SLC2A3: variants seen among roughly 807,000 people sequenced by gnomAD.
SLC2A3 encodes solute carrier family 2, facilitated glucose transporter member 3.
SLC2A3 carries 21 observed loss-of-function variants against 46.4 expected under a neutral mutation model. That is an observed-to-expected ratio of 0.45 (90% CI 0.32 to 0.65). The LOEUF (loss-of-function observed/expected upper bound fraction) is 0.65, where lower values mean the gene tolerates loss of function less well. Among genes scored for constraint, SLC2A3 ranks in the 30% least tolerant of loss-of-function variants. The pLI is 0.04. For missense variants in SLC2A3, 499 were observed against 623.3 expected, an observed-to-expected ratio of 0.80 and a Z score of 2.12; for synonymous variants, 213 against 239.4, an observed-to-expected ratio of 0.89 and a Z score of 1.02.
chr12:7,930,286 G>C (rs1395935558), intron 5 of SLC2A3, 194 bp downstream of exon 5: 1 of 604,962 alleles, frequency 1.7e-6, no homozygotes, highest in East Asian at 3.1e-5. Context: ...CTGCCTGATA[G>C]CATCCATTCC....
intron 5 of SLC2A3, 38 bp downstream of exon 5, chr12:7,930,442 C>T: frequency 1.9e-6 from 3 of 1,589,726 alleles, no homozygotes; most frequent in African/African-American, 1.3e-5. Flanking sequence ...CAAACCACAA[C>T]CATATAATTC....
At chr12:7,935,732 C>G (rs1240059569) in intron 1 of SLC2A3, among the ~76,000 whole-genome samples, 3 of 152,122 alleles carry the variant, frequency 2.0e-5, no homozygotes, top group Non-Finnish European at 2.9e-5. Context: ...GCCCGATCCT[C>G]TAAACACTCA....
intron 3 of SLC2A3, among the ~76,000 whole-genome samples, chr12:7,932,194 C>A (rs762541415): frequency 1.1e-4 from 16 of 148,514 alleles, no homozygotes; most frequent in Non-Finnish European, 1.5e-4. Flanking sequence ...TTTTTTGAGA[C>A]GGGGTTTTGC....
In SLC2A3 at chr12:7,921,476, T is replaced by C. The variant is rs112571065; in HGVS notation, c.1428A>G (p.Gly476=). 1,568 of 1,609,834 alleles carry C rather than the reference T, an allele frequency of 9.7e-4. 9 individuals carry two copies. In the African/African-American group the frequency reaches 0.018, roughly 18 times the overall value. ...EGQAHGADRS[G]KDGVMEMNSI... ...TGTTCATCTCCATGACGCCGTCCTT[T>C]CCAGATCTATCTGCACCGTGTGCCT... The change falls in exon 10 of 10, where the codon GGA becomes GGG. Residue 476 remains glycine, a synonymous_variant. Coordinates refer to ENST00000075120, the MANE Select transcript of SLC2A3 (RefSeq NM_006931.3).
rs185154018 is a variant in SLC2A3, at chr12:7,923,102, G to C, written c.1069-78C>G. ...ATCTAGGTTCCCAGAAGCAATTAAC[G>C]GCAAGCTCCTCCTGTCCCTGACGTA... On this transcript the variant is annotated intron_variant, in intron 8 of 9. Transcript: ENST00000075120. 18 of 1,337,742 alleles carry C rather than the reference G, an allele frequency of 1.3e-5. No individual in the cohort carries two copies. The South Asian group carries it at 2.3e-4, about 17-fold the overall frequency. 82.9% of individuals were successfully genotyped at this position (1,337,742 alleles called of 1,614,324 possible). A position where few individuals can be genotyped will look rare whatever the true frequency, so the allele number is the denominator to read the frequency against.
intron 1 of SLC2A3, among the ~76,000 whole-genome samples, chr12:7,935,181 C>T (rs1946199495): frequency 6.6e-6 from 1 of 152,154 alleles, no homozygotes; most frequent in Admixed American, 6.6e-5. Context: ...TTGCTGCGCG[C>T]AGTGGCTCAT....
At chr12:7,933,670 C>T (rs371008604) in intron 2 of SLC2A3, 140 bp downstream of exon 2, 4 of 846,988 alleles carry the variant, frequency 4.7e-6, no homozygotes, top group East Asian at 2.6e-5. Context: ...CTCAAGTGAT[C>T]TTTAAGCCTC....
chr12:7,929,677 C>G lies in SLC2A3; in HGVS notation c.861+7G>C. The G allele has an allele frequency of 6.2e-7, 1 of 1,613,196 alleles. No homozygotes were observed. Among genetic ancestry groups the G allele is most frequent in the Non-Finnish European group, 8.5e-7 (1 of 1,179,506 alleles). On this transcript the variant is annotated splice_region_variant and intron_variant, in intron 6 of 9. Transcript: ENST00000075120. Reference sequence around the variant, plus strand: ...AGACACGTTTGACCCTAAAGTATCACACTCACAGCATTGATCCCAGAGAGC... The same window carrying G: ...AGACACGTTTGACCCTAAAGTATCAGACTCACAGCATTGATCCCAGAGAGC...
intron 2 of SLC2A3, chr12:7,933,517 G>A (rs1054133623): frequency 3.0e-5 from 14 of 469,406 alleles, no homozygotes; most frequent in African/African-American, 7.7e-5. Flanking sequence ...GCTTCGATTA[G>A]ATGACCCCAC....
chr12:7,929,894 A>C (rs201865221), intron 5 of SLC2A3, 23 bp from the exon 6 acceptor site: 7 of 1,613,890 alleles, frequency 4.3e-6, no homozygotes, highest in African/African-American at 4.0e-5. Context: ...AGAAAGAGGA[A>C]AGGATAAAAG....
chr12:7,932,457 G>A (rs1304089180), intron 3 of SLC2A3, among the ~76,000 whole-genome samples: 1 of 152,006 alleles, frequency 6.6e-6, no homozygotes, highest in Non-Finnish European at 1.5e-5. Flanking sequence ...GGATTACAGG[G>A]GTGAGCCACC....
Position 7,925,893 on chromosome 12 carries a change from T to C in SLC2A3, c.917A>G (p.Tyr306Cys), listed in dbSNP as rs370274282. The C allele has an allele frequency of 5.3e-5, 85 of 1,613,740 alleles. No homozygotes were observed. The highest frequency in any genetic ancestry group is 6.5e-5 in the Non-Finnish European group (77 of 1,179,880). ...AACCACACCCGCGCCGATGGTGGCA[T>C]AGATGGGCTCTTGAACACCTGCATC... The part of the protein sequence containing the change: ...FKDAGVQEPI[Y>C]ATIGAGVVNT... The change falls in exon 7 of 10, where the codon TAT becomes TGT. Residue 306 changes from tyrosine to cysteine, a missense_variant. Coordinates refer to ENST00000075120, the MANE Select transcript of SLC2A3 (RefSeq NM_006931.3).
In SLC2A3 at chr12:7,921,543, C is replaced by A; in HGVS notation, c.1361G>T (p.Arg454Leu). The change falls in exon 10 of 10, where the codon CGT (arginine) becomes CTT (leucine). Residue 454 changes from arginine to leucine, a missense_variant. This residue lies in a region of SLC2A3 where 179 missense variants were observed against 205.1 expected (regional missense o/e 0.87). Transcript: ENST00000075120. Reference sequence around the variant, plus strand: ...TGTGATATCCTCAAAAGTCCTGCCACGGGTCTCAGGGACTTTGAAGAAGGT... The same window carrying A: ...TGTGATATCCTCAAAAGTCCTGCCAAGGGTCTCAGGGACTTTGAAGAAGGT... The part of the protein sequence containing the change: ...AFTFFKVPET[R>L]GRTFEDITRA... 6.2e-7 allele frequency: 1 copy of A among 1,613,814 alleles called. No individual in the cohort carries two copies. The highest frequency in any genetic ancestry group is 8.5e-7 in the Non-Finnish European group (1 of 1,179,838).
At chr12:7,926,419 T>G (rs752485901) in intron 6 of SLC2A3, among the ~76,000 whole-genome samples, 3 of 152,292 alleles carry the variant, frequency 2.0e-5, no homozygotes, top group Admixed American at 6.5e-5. Flanking sequence ...TGTTCTTAAT[T>G]CTAGCTACTC....
At chr12:7,934,052 G>A (rs546248289) in intron 1 of SLC2A3, 150 bp from the exon 2 acceptor site, 32 of 677,312 alleles carry the variant, frequency 4.7e-5, no homozygotes, top group African/African-American at 2.4e-4. Context: ...TAATGGGGAA[G>A]ACAAAGGAAT....
chr12:7,931,562 GTTC>G, intron 3 of SLC2A3, 77 bp from the exon 4 acceptor site: 1 of 1,570,690 alleles, frequency 6.4e-7, no homozygotes, highest in Non-Finnish European at 8.7e-7. Flanking sequence ...TCATTATTCT[GTTC>G]TTCTCCAGGC....
At position 7,932,829 on chromosome 12, in the gene SLC2A3, G is replaced by C. The variant is rs112572871; in HGVS notation, c.269+158C>G. On this transcript the variant is annotated intron_variant, in intron 3 of 9. Transcript: ENST00000075120. ...TCCAGGGTAGTAGAGCTCCAAGCAA[G>C]GGCAGTCATATTCGGGGCCAGTTGG... is the stretch of plus-strand genomic sequence containing the variant. 2,845 of 1,052,902 alleles carry C rather than the reference G, an allele frequency of 2.7e-3. 43 individuals carry two copies. In the African/African-American group the frequency reaches 0.031, roughly 12 times the overall value. The allele number at this position is 1,052,902 out of a possible 1,614,324, so 65.2% of individuals were successfully genotyped here.
intron 3 of SLC2A3, among the ~76,000 whole-genome samples, chr12:7,932,089 C>T (rs2121198662): frequency 6.6e-6 from 1 of 151,874 alleles, no homozygotes; most frequent in East Asian, 1.9e-4. Context: ...ACCGTGTTAG[C>T]CAGGATGGTC....
chr12:7,925,273 A>G (rs899015144), intron 7 of SLC2A3: 2 of 152,586 alleles, frequency 1.3e-5, no homozygotes, highest in Non-Finnish European at 2.9e-5. Flanking sequence ...ATCAAACCCA[A>G]AGAGGATGTC....
Sources: gnomAD v4.1 joint callset for allele counts (sites outside exome capture counted in the v4.1 genomes callset) on GRCh38, gnomAD v4.1.1 for gene constraint, gnomAD v4.1.1 regional missense constraint, MANE v1.5 for transcripts, NCBI Gene and HGNC (gene_info 2026-07-23, HGNC 2026-07-21) for gene names.